The following FBXO4 variants were observed in gnomAD, a reference collection of about 807,000 sequenced individuals.
FBXO4 encodes F-box protein 4, also known as F-box only protein 4.
FBXO4 carries 36 observed loss-of-function variants against 43.7 expected under a neutral mutation model. The ratio of observed to expected loss-of-function variants is 0.82; its 90% confidence interval spans 0.63 to 1.09. The LOEUF (loss-of-function observed/expected upper bound fraction) is 1.09, where lower values mean the gene tolerates loss of function less well. Among genes scored for constraint, FBXO4 ranks in the 50% least tolerant of loss-of-function variants. The pLI, the probability that FBXO4 is intolerant of heterozygous loss-of-function variation, is 0.00. For missense variants in FBXO4, 435 were observed against 474.1 expected, an observed-to-expected ratio of 0.92 and a Z score of 0.77; for synonymous variants, 180 against 165.6, an observed-to-expected ratio of 1.09 and a Z score of -0.67.
At chr5:42,012,996 T>G in the FBXO4 span, among the ~76,000 whole-genome samples, 1 of 152,234 alleles carries the variant, frequency 6.6e-6, no homozygotes, top group East Asian at 1.9e-4. Flanking sequence ...ACTGAGTGGT[T>G]TATCATGGGA....
chr5:41,997,931 A>G, the FBXO4 span, among the ~76,000 whole-genome samples: 3 of 152,282 alleles, frequency 2.0e-5, no homozygotes, highest in Non-Finnish European at 4.4e-5. Flanking sequence ...TCAAGTCTAG[A>G]AATTAATTGA....
At chr5:41,985,065 A>G in the FBXO4 span, among the ~76,000 whole-genome samples, 1 of 152,164 alleles carries the variant, frequency 6.6e-6, no homozygotes, top group Non-Finnish European at 1.5e-5. Flanking sequence ...TTGGACAACA[A>G]AATCCTCTTT....
the FBXO4 span, among the ~76,000 whole-genome samples, chr5:41,982,674 G>T: frequency 3.3e-5 from 5 of 151,806 alleles, no homozygotes; most frequent in African/African-American, 1.2e-4. Flanking sequence ...AATTCTCTTT[G>T]TGATAATTGA....
intron 1 of FBXO4, 148 bp from the exon 2 acceptor site, chr5:41,926,862 AAAT>A (rs1751520463): frequency 2.0e-6 from 1 of 504,398 alleles, no homozygotes; most frequent in Non-Finnish European, 3.5e-6. Context: ...GATAGCAGGA[AAAT>A]AATAGATTTA....
the FBXO4 span, among the ~76,000 whole-genome samples, chr5:41,983,734 G>T: frequency 6.6e-6 from 1 of 151,548 alleles, no homozygotes; most frequent in Non-Finnish European, 1.5e-5. Flanking sequence ...ATTTCTCTTT[G>T]ATTCTTTTGT....
chr5:41,932,426 T>G (rs1418011214), intron 3 of FBXO4, among the ~76,000 whole-genome samples: 1 of 152,202 alleles, frequency 6.6e-6, no homozygotes, highest in Non-Finnish European at 1.5e-5. Flanking sequence ...GGTTGCAGTC[T>G]TAGTACTTAA....
the FBXO4 span, among the ~76,000 whole-genome samples, chr5:42,035,481 G>A: frequency 2.0e-5 from 3 of 152,180 alleles, no homozygotes; most frequent in East Asian, 5.8e-4. Context: ...TTGTGAAACT[G>A]TTAATCTCAT....
At chr5:41,954,784 C>A in the FBXO4 span, among the ~76,000 whole-genome samples, 1 of 152,004 alleles carries the variant, frequency 6.6e-6, no homozygotes, top group Non-Finnish European at 1.5e-5. Context: ...AAAAGGGAGA[C>A]GTCAGAAATT....
intron 5 of FBXO4, chr5:41,939,207 C>T (rs566997102): frequency 2.8e-6 from 1 of 359,342 alleles, no homozygotes; most frequent in South Asian, 7.9e-5. Flanking sequence ...TGAAAGTAAG[C>T]CCTTTGAATG....
At chr5:42,028,648 C>T in the FBXO4 span, among the ~76,000 whole-genome samples, 1 of 151,384 alleles carries the variant, frequency 6.6e-6, no homozygotes, top group Non-Finnish European at 1.5e-5. Context: ...ATGTTTTTCT[C>T]TGGTGATATG....
chr5:41,993,318 A>G, the FBXO4 span, among the ~76,000 whole-genome samples: 1 of 152,092 alleles, frequency 6.6e-6, no homozygotes, highest in Non-Finnish European at 1.5e-5. Context: ...TTATTGATAT[A>G]TATTTGACAA....
intron 5 of FBXO4, chr5:41,935,059 C>G (rs944689267): frequency 1.0e-6 from 1 of 984,632 alleles, no homozygotes; most frequent in Non-Finnish European, 1.2e-6. Flanking sequence ...ACAGGGCTAT[C>G]TATAAAAAGA....
At chr5:41,975,855 A>G in the FBXO4 span, among the ~76,000 whole-genome samples, 7 of 152,316 alleles carry the variant, frequency 4.6e-5, no homozygotes, top group African/African-American at 1.7e-4. Flanking sequence ...ATTTATAAAG[A>G]AAGGAGATTT....
intron 4 of FBXO4, 40 bp from the exon 5 acceptor site, chr5:41,934,093 A>G (rs1751777355): frequency 1.2e-6 from 2 of 1,611,834 alleles, no homozygotes; most frequent in South Asian, 1.1e-5. Context: ...GAGCCTGTTT[A>G]GTGTCTTTTT....
the FBXO4 span, among the ~76,000 whole-genome samples, chr5:41,971,313 T>C: frequency 2.6e-5 from 4 of 151,804 alleles, no homozygotes; most frequent in Admixed American, 2.6e-4. Context: ...GGTAATTAAA[T>C]TGATTTAATT....
chr5:42,034,984 A>G, the FBXO4 span, among the ~76,000 whole-genome samples: 1 of 151,110 alleles, frequency 6.6e-6, no homozygotes, highest in African/African-American at 2.4e-5. Context: ...TATTTATTCT[A>G]AAGATGGTAT....
chr5:41,978,473 T>A, the FBXO4 span, among the ~76,000 whole-genome samples: 1 of 152,204 alleles, frequency 6.6e-6, no homozygotes, highest in Admixed American at 6.5e-5. Context: ...GAATTTATAA[T>A]CTCTAAACCC....
the FBXO4 span, among the ~76,000 whole-genome samples, chr5:41,982,253 G>C: frequency 6.6e-6 from 1 of 151,942 alleles, no homozygotes; most frequent in Non-Finnish European, 1.5e-5. Context: ...ATAATCCTTT[G>C]GGTATATACC....
At chr5:41,962,161 G>A in the FBXO4 span, among the ~76,000 whole-genome samples, 1 of 152,158 alleles carries the variant, frequency 6.6e-6, no homozygotes, top group African/African-American at 2.4e-5. Flanking sequence ...ATTATGTTTT[G>A]ATATATGCAT....
Sources: gnomAD v4.1 joint callset for allele counts (sites outside exome capture counted in the v4.1 genomes callset) on GRCh38, gnomAD v4.1.1 for gene constraint, MANE v1.5 for transcripts, NCBI Gene and HGNC (gene_info 2026-07-23, HGNC 2026-07-21) for gene names.